Variants in UNKL observed in about 807,000 individuals in gnomAD.
UNKL encodes putative E3 ubiquitin-protein ligase UNKL.
In UNKL, 60 loss-of-function variants were observed where a neutral mutation model predicts 78.0. The ratio of observed to expected loss-of-function variants is 0.77; its 90% CI spans 0.63 to 0.95. UNKL has a LOEUF of 0.95. Ranked by LOEUF, UNKL falls within the 40% of genes least tolerant of loss-of-function variation. UNKL has a pLI of 0.00. For missense variants in UNKL, 1,159 were observed against 1,045.7 expected, an observed-to-expected ratio of 1.11 and a Z score of -1.49; for synonymous variants, 608 against 474.8, an observed-to-expected ratio of 1.28 and a Z score of -3.65.
At chr16:1,366,909 A>G (rs76065783) in intron 14 of UNKL, among the ~76,000 whole-genome samples, 183 bp downstream of exon 14, 1,018 of 17,280 alleles carry the variant, frequency 0.059, 3 homozygotes, top group Middle Eastern at 0.18. Flanking sequence ...GCTCCCAGGG[A>G]GACAGGCAAG....
At chr16:1,407,660 C>A (rs1384857377) in intron 2 of UNKL, among the ~76,000 whole-genome samples, 2 of 150,196 alleles carry the variant, frequency 1.3e-5, no homozygotes, top group African/African-American at 4.9e-5. Context: ...CACACCACTG[C>A]ACTCCAGCCT....
At chr16:1,392,557 C>A (rs956768027) in intron 8 of UNKL, among the ~76,000 whole-genome samples, 1 of 152,166 alleles carries the variant, frequency 6.6e-6, no homozygotes, top group East Asian at 1.9e-4. Flanking sequence ...GCCTCAGCCT[C>A]CTGAGTAGCT....
Position 1,363,554 on chromosome 16 carries a change from C to G in UNKL, c.*2686G>C, listed in dbSNP as rs993538512. On this transcript the variant is annotated 3_prime_UTR_variant, in exon 15 of 15. Coordinates refer to ENST00000389221, the MANE Select transcript of UNKL (RefSeq NM_001372107.1). ...ACAGACGACAGGCAACAAGAACATG[C>G]AGAGCCGGCCGCCAGCCAGCTCCTA... 3 of 233,840 alleles carry G rather than the reference C, an allele frequency of 1.3e-5. No individual in the cohort carries two copies. Among genetic ancestry groups the G allele is most frequent in the African/African-American group, 6.9e-5 (3 of 43,198 alleles). The allele number at this position is 233,840 out of a possible 1,614,324, so 14.5% of individuals were successfully genotyped here.
At chr16:1,379,574 C>T (rs1189674717) in intron 10 of UNKL, 4 of 985,212 alleles carry the variant, frequency 4.1e-6, no homozygotes, top group African/African-American at 1.7e-5. Context: ...CTCCTGACCG[C>T]CGAGTAACGA....
At chr16:1,380,018 G>A (rs1567214377) in intron 10 of UNKL, among the ~76,000 whole-genome samples, 1 of 152,230 alleles carries the variant, frequency 6.6e-6, no homozygotes, top group Non-Finnish European at 1.5e-5. Flanking sequence ...GCGTGAGCTG[G>A]GGCCGCTGCC....
At position 1,401,637 on chromosome 16, in the gene UNKL, G is replaced by A; in HGVS notation, c.529C>T (p.Leu177=). ...TGGCTGGCCAAGACCCCAGGCTGCA[G>A]ATCCGGGACCCCTTCCCCGCCGCCC... The part of the protein sequence containing the change: ...QLGGGEGVPD[L]QPGVLASQAM... The change falls in exon 4 of 15, where the codon CTG becomes TTG. Residue 177 remains leucine, a synonymous_variant. Coordinates refer to ENST00000389221, the MANE Select transcript of UNKL (RefSeq NM_001372107.1). 6.2e-7 allele frequency: 1 copy of A among 1,611,886 alleles called. No individual in the cohort carries two copies. The highest frequency in any genetic ancestry group is 8.5e-7 in the Non-Finnish European group (1 of 1,179,244).
At position 1,364,746 on chromosome 16, in the gene UNKL, C is replaced by T. The variant is rs1163477247; in HGVS notation, c.*1494G>A. ...TCCTCTCCTGTGACCTCACTGGCCA[C>T]ATGGATGAGCTCCGATGATAACTGG... On this transcript the variant is annotated 3_prime_UTR_variant, in exon 15 of 15. Transcript: ENST00000389221. 6.6e-6 allele frequency: 1 copy of T among 152,250 alleles called. No homozygotes were observed. The highest frequency in any genetic ancestry group is 1.5e-5 in the Non-Finnish European group (1 of 68,062). The allele number at this position is 152,250 out of a possible 1,614,324, so 9.4% of individuals were successfully genotyped here.
rs528726613 is a variant in UNKL, at chr16:1,387,910, G to A, written c.1087-2525C>T. 6.6e-6 allele frequency among the ~76,000 whole-genome samples: 1 copy of A among 152,000 alleles called. No homozygotes were observed. The highest frequency in any genetic ancestry group is 6.6e-5 in the Admixed American group (1 of 15,264). ...ACACAAGCTGCCCCTGCTCAGTCAGGCTGAGGTTCCCCATGTCCTGACCCA... is the reference window on the plus strand; with the variant it reads ...ACACAAGCTGCCCCTGCTCAGTCAGACTGAGGTTCCCCATGTCCTGACCCA... On this transcript the variant is annotated intron_variant, in intron 9 of 14. Coordinates refer to ENST00000389221, the MANE Select transcript of UNKL (RefSeq NM_001372107.1). The surrounding 1 kb of genome is among the most constrained non-coding windows in gnomAD (Gnocchi z 4.1).
chr16:1,368,519 G>A (rs570292223), intron 12 of UNKL, among the ~76,000 whole-genome samples: 3 of 142,756 alleles, frequency 2.1e-5, no homozygotes, highest in South Asian at 4.7e-4. Context: ...GGAGAATGGC[G>A]TGAACCCGGG....
intron 9 of UNKL, among the ~76,000 whole-genome samples, chr16:1,389,501 G>T (rs1032126986): frequency 1.3e-5 from 2 of 152,206 alleles, no homozygotes; most frequent in Non-Finnish European, 2.9e-5. Flanking sequence ...CTTCAAGCCT[G>T]GGAGTCCCGG....
chr16:1,397,500 G>C (rs2037328753), intron 5 of UNKL, among the ~76,000 whole-genome samples: 1 of 74,536 alleles, frequency 1.3e-5, no homozygotes, highest in African/African-American at 5.2e-5. Context: ...GGAGGACACA[G>C]AGGACTTGGC....
intron 2 of UNKL, among the ~76,000 whole-genome samples, chr16:1,405,741 C>A (rs2037728610): frequency 6.6e-6 from 1 of 151,994 alleles, no homozygotes. Flanking sequence ...ACACGGTTCT[C>A]AAACTCATCC....
chr16:1,380,737 C>T (rs941012194), intron 10 of UNKL, among the ~76,000 whole-genome samples: 2 of 127,220 alleles, frequency 1.6e-5, no homozygotes, highest in Non-Finnish European at 3.1e-5. Flanking sequence ...TGCAGTGGCA[C>T]GATCTCAGCT....
At chr16:1,396,772 T>C (rs750426781) in intron 6 of UNKL, among the ~76,000 whole-genome samples, 27 of 151,932 alleles carry the variant, frequency 1.8e-4, no homozygotes, top group Non-Finnish European at 3.4e-4. Flanking sequence ...TTTTTGCATT[T>C]TTAGTAGAAA....
chr16:1,385,568 G>A (rs984017696), intron 9 of UNKL, 183 bp from the exon 10 acceptor site: 5 of 502,974 alleles, frequency 9.9e-6, no homozygotes, highest in Non-Finnish European at 9.4e-6. Flanking sequence ...CAGGACGGCA[G>A]GGCAGCGGGC....
At chr16:1,405,386 G>A (rs2037708308) in intron 2 of UNKL, among the ~76,000 whole-genome samples, 1 of 151,958 alleles carries the variant, frequency 6.6e-6, no homozygotes, top group Admixed American at 6.6e-5. Flanking sequence ...ACGAGCTCAA[G>A]AGTTCAAGAC....
Position 1,414,700 on chromosome 16 carries a change from A to T in UNKL, c.-9T>A, listed in dbSNP as rs780891789. ...TTCGAAACCGACGGCATTTTCAGTCAAAACAATGCAGCGCGCATGCGCCGC... is the reference window on the plus strand; with the variant it reads ...TTCGAAACCGACGGCATTTTCAGTCTAAACAATGCAGCGCGCATGCGCCGC... On this transcript the variant is annotated 5_prime_UTR_variant, in exon 1 of 15. Transcript: ENST00000389221. 1.8e-6 allele frequency: 2 copies of T among 1,125,770 alleles called. No individual in the cohort carries two copies. The highest frequency in any genetic ancestry group is 2.2e-6 in the Non-Finnish European group (2 of 910,160). 69.7% of individuals were successfully genotyped at this position (1,125,770 alleles called of 1,614,324 possible).
In UNKL at chr16:1,398,426, T is replaced by A. The variant is rs553467947; in HGVS notation, c.734+948A>T. 3.8e-6 allele frequency: 4 copies of A among 1,047,164 alleles called. No individual in the cohort carries two copies. The East Asian group carries it at 2.7e-4, about 69-fold the overall frequency. The allele number at this position is 1,047,164 out of a possible 1,614,324, so 64.9% of individuals were successfully genotyped here. On this transcript the variant is annotated intron_variant, in intron 5 of 14. Coordinates refer to ENST00000389221, the MANE Select transcript of UNKL (RefSeq NM_001372107.1). ...CGATGACAAAATCTCAGACACTAAT[T>A]TGTGGTTTGTTCTACAGCCGTTCAG...
At chr16:1,386,599 A>G (rs1232486061) in intron 9 of UNKL, among the ~76,000 whole-genome samples, 4 of 152,176 alleles carry the variant, frequency 2.6e-5, no homozygotes, top group African/African-American at 9.7e-5. Context: ...AAATGGTATG[A>G]TATCTGGGTT....
Sources: gnomAD v4.1 joint callset for allele counts (sites outside exome capture counted in the v4.1 genomes callset) on GRCh38, gnomAD v4.1.1 for gene constraint, Gnocchi (gnomAD v3.1) non-coding constraint, MANE v1.5 for transcripts, NCBI Gene and HGNC (gene_info 2026-07-23, HGNC 2026-07-21) for gene names.